The following HNF4A variants were observed in gnomAD, a reference collection of about 807,000 sequenced individuals.
The protein encoded by HNF4A is hepatocyte nuclear factor 4-alpha.
HNF4A carries 15 observed loss-of-function variants against 52.4 expected under a neutral mutation model. That is an observed-to-expected ratio of 0.29 (90% CI 0.19 to 0.44). The LOEUF (loss-of-function observed/expected upper bound fraction) is 0.44. Among genes scored for constraint, HNF4A ranks in the 20% least tolerant of loss-of-function variants. The probability of loss-of-function intolerance (pLI) is 1.00; values close to 1 mark genes in which losing one functional copy is unlikely to be tolerated. For synonymous variants in HNF4A, 280 were observed against 264.4 expected (o/e 1.06, Z -0.57); for missense variants, 479 against 647.2 (o/e 0.74, Z 2.82).
At position 44,431,644 on chromosome 20, in the gene HNF4A, C is replaced by T. The variant is rs2146499668; in HGVS notation, c.*1979C>T. The T allele has an allele frequency of 6.6e-6, 1 of 152,282 alleles. No homozygotes were observed. The highest frequency in any genetic ancestry group is 2.4e-5 in the African/African-American group (1 of 41,518). 9.4% of individuals were successfully genotyped at this position (152,282 alleles called of 1,614,324 possible). On this transcript the variant is annotated 3_prime_UTR_variant, in exon 10 of 10. Coordinates refer to ENST00000316099, the MANE Select transcript of HNF4A (RefSeq NM_000457.6). ...TGTCATCCATGTGGAATCTTGGTGG[C>T]TTTGAGGACATTCTGGAAAATGCCA...
At chr20:44,366,079 C>T (rs1158512826) in intron 1 of HNF4A, among the ~76,000 whole-genome samples, 2 of 151,824 alleles carry the variant, frequency 1.3e-5, no homozygotes, top group Non-Finnish European at 2.9e-5. Context: ...GTATAACATT[C>T]AAAACAGAAA....
intron 8 of HNF4A, among the ~76,000 whole-genome samples, chr20:44,426,311 G>A (rs903045438): frequency 6.6e-6 from 1 of 152,196 alleles, no homozygotes; most frequent in Non-Finnish European, 1.5e-5. Flanking sequence ...TGGCAATTGT[G>A]TTGAAAGCAG....
intron 1 of HNF4A, among the ~76,000 whole-genome samples, chr20:44,374,149 AG>A (rs376609097): frequency 6.6e-6 from 1 of 152,296 alleles, no homozygotes; most frequent in Non-Finnish European, 1.5e-5. Context: ...TTCCTCTAGA[AG>A]TCCGCAGCGT....
intron 1 of HNF4A, among the ~76,000 whole-genome samples, chr20:44,395,979 G>A (rs981637161): frequency 2.0e-5 from 3 of 152,130 alleles, no homozygotes; most frequent in South Asian, 2.1e-4. Context: ...CCTATACCCC[G>A]GGATAAGGTG....
intron 7 of HNF4A, among the ~76,000 whole-genome samples, chr20:44,423,162 A>G (rs2146463136): frequency 6.6e-6 from 1 of 152,158 alleles, no homozygotes; most frequent in African/African-American, 2.4e-5. Context: ...ACTAAAATAC[A>G]AAAATTAGCT....
At chr20:44,378,121 GAGA>G (rs1489635534) in intron 1 of HNF4A, among the ~76,000 whole-genome samples, 1 of 152,116 alleles carries the variant, frequency 6.6e-6, no homozygotes, top group Admixed American at 6.6e-5. Context: ...TCTATTACTA[GAGA>G]AGGAGAGGCT....
intron 1 of HNF4A, among the ~76,000 whole-genome samples, chr20:44,387,850 T>C (rs1244577592): frequency 6.6e-6 from 1 of 152,130 alleles, no homozygotes; most frequent in Admixed American, 6.5e-5. Flanking sequence ...AGAACTGGAT[T>C]TTCTGATGAA....
In HNF4A at chr20:44,419,022, C is replaced by G. The variant is rs182388775; in HGVS notation, c.736+510C>G. On this transcript the variant is annotated intron_variant, in intron 6 of 9. Transcript: ENST00000316099. ...AACTCCTGGCCTCAAATAATCCACCCGCCTCAGTCTCCCAAAGTGCTGGGA... is the reference window on the plus strand; with the variant it reads ...AACTCCTGGCCTCAAATAATCCACCGGCCTCAGTCTCCCAAAGTGCTGGGA... 1.2e-3 allele frequency among the ~76,000 whole-genome samples: 188 copies of G among 152,262 alleles called. 1 individual carries two copies. The highest frequency in any genetic ancestry group is 3.2e-4 in the Non-Finnish European group (22 of 68,022).
At chr20:44,368,976 G>A (rs1362365896) in intron 1 of HNF4A, among the ~76,000 whole-genome samples, 4 of 152,068 alleles carry the variant, frequency 2.6e-5, no homozygotes, top group African/African-American at 7.2e-5. Flanking sequence ...GGCTGGGCAC[G>A]GTGGCTCACG....
chr20:44,380,971 A>G (rs764252345), intron 1 of HNF4A, among the ~76,000 whole-genome samples: 4 of 152,150 alleles, frequency 2.6e-5, no homozygotes, highest in Non-Finnish European at 5.9e-5. Flanking sequence ...GCATGTGGAT[A>G]TACAGTTTCC....
At chr20:44,385,057 A>ATTTTTTTTTTTTTTTTT (rs1491454694) in intron 1 of HNF4A, among the ~76,000 whole-genome samples, 9 of 29,936 alleles carry the variant, frequency 3.0e-4, no homozygotes, top group East Asian at 3.6e-3. Context: ...GAACTCTGTG[A>ATTTTTTTTTTTTTTTTT]TCTTTTTTTT....
At chr20:44,413,018 T>C (rs900166554) in intron 3 of HNF4A, among the ~76,000 whole-genome samples, 1 of 152,108 alleles carries the variant, frequency 6.6e-6, no homozygotes, top group Non-Finnish European at 1.5e-5. Context: ...GGCTATCCCA[T>C]CCACTGTCGG....
chr20:44,365,087 C>T (rs1029991543), intron 1 of HNF4A, among the ~76,000 whole-genome samples: 41 of 152,274 alleles, frequency 2.7e-4, no homozygotes, highest in African/African-American at 9.1e-4. Flanking sequence ...CATGCTCACA[C>T]GTCCCTCCAC....
At chr20:44,365,146 A>C (rs2062957726) in intron 1 of HNF4A, among the ~76,000 whole-genome samples, 1 of 152,078 alleles carries the variant, frequency 6.6e-6, no homozygotes, top group East Asian at 1.9e-4. Context: ...AATTTAAAAA[A>C]GTATCTTTTT....
chr20:44,429,952 A>C lies in HNF4A; in HGVS notation c.*287A>C. On this transcript the variant is annotated 3_prime_UTR_variant, in exon 10 of 10. Coordinates refer to ENST00000316099, the MANE Select transcript of HNF4A (RefSeq NM_000457.6). ...TCACCTTCACCTTCATCCATGTCCA[A>C]CCCCCGACTTCATCCCAAAGGACAG... 8 of 426,136 alleles carry C rather than the reference A, an allele frequency of 1.9e-5. No homozygotes were observed. The highest frequency in any genetic ancestry group is 6.7e-5 in the South Asian group (2 of 29,904). 26.4% of individuals were successfully genotyped at this position (426,136 alleles called of 1,614,324 possible). A position where few individuals can be genotyped will look rare whatever the true frequency, so the allele number is the denominator to read the frequency against.
At chr20:44,360,598 G>A (rs2062906539) in intron 1 of HNF4A, among the ~76,000 whole-genome samples, 1 of 152,196 alleles carries the variant, frequency 6.6e-6, no homozygotes, top group Non-Finnish European at 1.5e-5. Context: ...GGGGTGGGCT[G>A]AGGTAGCCTG....
At chr20:44,405,827 GAA>G (rs1186297467) in intron 1 of HNF4A, among the ~76,000 whole-genome samples, 18 of 152,130 alleles carry the variant, frequency 1.2e-4, no homozygotes, top group Non-Finnish European at 2.4e-4. Flanking sequence ...TCCACCACAG[GAA>G]GACGCAGACC....
At chr20:44,363,152 G>A (rs6130596) in intron 1 of HNF4A, among the ~76,000 whole-genome samples, 6 of 151,960 alleles carry the variant, frequency 3.9e-5, no homozygotes, top group African/African-American at 7.3e-5. Flanking sequence ...CACTGCGCCC[G>A]GCCGACCCAA....
At chr20:44,404,785 G>T (rs114843788) in intron 1 of HNF4A, among the ~76,000 whole-genome samples, 1 of 22 alleles carries the variant, frequency 0.045, no homozygotes, top group Non-Finnish European at 0.12. Flanking sequence ...GTGTGTGTGT[G>T]CGTGTGTCTG....
Sources: allele counts gnomAD v4.1 joint callset (sites outside exome capture counted in the v4.1 genomes callset), GRCh38; gene constraint gnomAD v4.1.1; transcripts MANE v1.5; gene names NCBI Gene and HGNC (gene_info 2026-07-23, HGNC 2026-07-21).